Variants in SMURF1 observed in about 807,000 individuals in gnomAD.
SMURF1 encodes the protein SMAD specific E3 ubiquitin protein ligase 1, also known as E3 ubiquitin-protein ligase SMURF1.
Under a neutral mutation model 98.0 loss-of-function variants are expected in SMURF1, and 44 were observed. That is an observed-to-expected ratio of 0.45 (90% CI 0.35 to 0.58). The LOEUF (loss-of-function observed/expected upper bound fraction) is 0.58, where lower values mean the gene tolerates loss of function less well. Among genes scored for constraint, SMURF1 ranks in the 20% least tolerant of loss-of-function variants. SMURF1 has a pLI of 0.00. For synonymous variants in SMURF1, 396 were observed against 374.9 expected, an observed-to-expected ratio of 1.06 and a Z score of -0.65; for missense variants, 687 against 938.4, an observed-to-expected ratio of 0.73 and a Z score of 3.50.
chr7:99,075,989 G>C (rs1796447454), intron 1 of SMURF1, among the ~76,000 whole-genome samples: 1 of 152,196 alleles, frequency 6.6e-6, no homozygotes, highest in Admixed American at 6.5e-5. Context: ...TATATAATTA[G>C]CACCCAGGTC....
intron 1 of SMURF1, among the ~76,000 whole-genome samples, chr7:99,119,003 ATTTTTTTTTTTTTTTTT>A (rs67705340): frequency 3.3e-4 from 14 of 42,930 alleles, no homozygotes; most frequent in East Asian, 3.2e-3. Flanking sequence ...TAACATGCCA[ATTTTTTTTTTTTTTTTT>A]TTTTTTTTTT....
At chr7:99,059,024 C>T (rs539881558) in intron 3 of SMURF1, among the ~76,000 whole-genome samples, 17 of 152,230 alleles carry the variant, frequency 1.1e-4, no homozygotes, top group African/African-American at 3.4e-4. Context: ...GAGGAGGTTG[C>T]GGTGAGCCAA....
chr7:99,105,460 C>T (rs1016965306), intron 1 of SMURF1, among the ~76,000 whole-genome samples: 1 of 152,228 alleles, frequency 6.6e-6, no homozygotes, highest in Non-Finnish European at 1.5e-5. Flanking sequence ...ACACACTACT[C>T]TATACTATAT....
In SMURF1 at chr7:99,029,339, C is replaced by G. The variant is rs1794803952; in HGVS notation, c.*1245G>C. The G allele has an allele frequency of 6.6e-6, 1 of 152,514 alleles. No homozygotes were observed. Among genetic ancestry groups the G allele is most frequent in the African/African-American group, 2.4e-5 (1 of 41,448 alleles). The allele number at this position is 152,514 out of a possible 1,614,324, so 9.4% of individuals were successfully genotyped here. On this transcript the variant is annotated 3_prime_UTR_variant, in exon 18 of 18. Coordinates refer to ENST00000361368, the MANE Select transcript of SMURF1 (RefSeq NM_181349.3). Reference sequence around the variant, plus strand: ...AAGCCACTTTAAGATAAAATACTGACTTTTGTGCAAACTGGAAATGGTGTC... The same window carrying G: ...AAGCCACTTTAAGATAAAATACTGAGTTTTGTGCAAACTGGAAATGGTGTC...
At chr7:99,034,606 T>G (rs1244047885) in intron 16 of SMURF1, among the ~76,000 whole-genome samples, 1 of 152,026 alleles carries the variant, frequency 6.6e-6, no homozygotes, top group Non-Finnish European at 1.5e-5. Flanking sequence ...TCGGGGTTGT[T>G]GGGAGAACTG....
Position 99,094,560 on chromosome 7 carries a change from A to G in SMURF1, c.56-32723T>C, listed in dbSNP as rs551948413. 4.6e-5 allele frequency among the ~76,000 whole-genome samples: 7 copies of G among 152,304 alleles called. No homozygotes were observed. The East Asian group carries it at 1.4e-3, about 29-fold the overall frequency. Reference sequence around the variant, plus strand: ...ATGAGCTCATGTTTGATTGGTAAGTAGCAGTGACATCTTATAGCATGGAAG... The same window carrying G: ...ATGAGCTCATGTTTGATTGGTAAGTGGCAGTGACATCTTATAGCATGGAAG... On this transcript the variant is annotated intron_variant, in intron 1 of 17. Transcript: ENST00000361368.
rs773234782 is a variant in SMURF1 at position 99,038,538 on chromosome 7, G to GA, written c.1551-14dup. 4 of 1,613,268 alleles carry GA rather than the reference G, an allele frequency of 2.5e-6. No individual in the cohort carries two copies. The highest frequency in any genetic ancestry group is 3.4e-6 in the Non-Finnish European group (4 of 1,179,598). On this transcript the variant is annotated splice_polypyrimidine_tract_variant and intron_variant, in intron 13 of 17. Transcript: ENST00000361368. ...GATGTCGTTCTCTCTGTTGAAATAA[G>GA]ACAGAAGGATGTAGGTTAGAACTCT...
At chr7:99,077,780 A>G (rs1796497868) in intron 1 of SMURF1, among the ~76,000 whole-genome samples, 1 of 152,218 alleles carries the variant, frequency 6.6e-6, no homozygotes, top group Non-Finnish European at 1.5e-5. Flanking sequence ...GATGTATAAT[A>G]TAAATATGTT....
At chr7:99,074,899 T>G (rs1381270450) in intron 1 of SMURF1, among the ~76,000 whole-genome samples, 3 of 152,072 alleles carry the variant, frequency 2.0e-5, no homozygotes, top group Non-Finnish European at 4.4e-5. Context: ...AATAGACACC[T>G]TACCAAAAAA....
At chr7:99,121,421 C>CG (rs1335668018) in intron 1 of SMURF1, among the ~76,000 whole-genome samples, 5 of 152,058 alleles carry the variant, frequency 3.3e-5, no homozygotes, top group Admixed American at 6.5e-5. Context: ...CTTAGCAGAC[C>CG]TATCCTCTCT....
intron 1 of SMURF1, among the ~76,000 whole-genome samples, chr7:99,073,089 T>G (rs1203594385): frequency 1.3e-5 from 2 of 152,072 alleles, no homozygotes; most frequent in African/African-American, 4.8e-5. Context: ...AACTGAGCAT[T>G]AGAATGAAAA....
rs67705340 is a variant in SMURF1, at chr7:99,119,003, A to ATTTTTTTTT, written c.55+24714_55+24722dup. On this transcript the variant is annotated intron_variant, in intron 1 of 17. Coordinates refer to ENST00000361368, the MANE Select transcript of SMURF1 (RefSeq NM_181349.3). Reference sequence around the variant, plus strand: ...AGCCTCCTGAGAAGCTAACATGCCAATTTTTTTTTTTTTTTTTTTTTTTTT... The same window carrying ATTTTTTTTT: ...AGCCTCCTGAGAAGCTAACATGCCAATTTTTTTTTTTTTTTTTTTTTTTTTTTTTTTTTT... Among the ~76,000 whole-genome samples, 8 of 42,930 alleles carry ATTTTTTTTT rather than the reference A, an allele frequency of 1.9e-4. 1 individual carries two copies. Among genetic ancestry groups the ATTTTTTTTT allele is most frequent in the African/African-American group, 8.7e-4 (8 of 9,206 alleles). The allele number at this position is 42,930 out of a possible 152,430, so 28.2% of individuals were successfully genotyped here. A position where few individuals can be genotyped will look rare whatever the true frequency, so the allele number is the denominator to read the frequency against.
At chr7:99,079,376 GCAGCTCCTCCC>G (rs1188920139) in intron 1 of SMURF1, among the ~76,000 whole-genome samples, 2 of 152,176 alleles carry the variant, frequency 1.3e-5, no homozygotes, top group Admixed American at 6.5e-5. Context: ...AGTCCCTCCT[GCAGCTCCTCCC>G]CAGCTCCTCC....
chr7:99,033,156 A>G, intron 16 of SMURF1, 35 bp from the exon 17 acceptor site: 1 of 1,549,852 alleles, frequency 6.5e-7, no homozygotes, highest in South Asian at 1.2e-5. Flanking sequence ...TGTACTTCAG[A>G]GTTACAGCCG....
At chr7:99,060,378 C>CAAAAAAAA (rs11340949) in intron 3 of SMURF1, among the ~76,000 whole-genome samples, 7 of 92,468 alleles carry the variant, frequency 7.6e-5, no homozygotes, top group Admixed American at 1.1e-4. Flanking sequence ...GACTCCGTCT[C>CAAAAAAAA]AAAAAAAAAA....
At chr7:99,034,730 A>G (rs1022578444) in intron 16 of SMURF1, among the ~76,000 whole-genome samples, 2 of 152,262 alleles carry the variant, frequency 1.3e-5, no homozygotes, top group South Asian at 2.1e-4. Context: ...ACCCCTTTTT[A>G]TCCATGCTGG....
intron 1 of SMURF1, among the ~76,000 whole-genome samples, chr7:99,124,135 A>T (rs188025935): frequency 2.1e-4 from 32 of 152,358 alleles, no homozygotes; most frequent in Middle Eastern, 3.4e-3. Context: ...ACAACTCATG[A>T]AAAGTGCTTG....
intron 1 of SMURF1, among the ~76,000 whole-genome samples, chr7:99,075,672 CAT>C (rs1213806174): frequency 6.6e-6 from 1 of 150,994 alleles, no homozygotes; most frequent in East Asian, 1.9e-4. Context: ...TCATCAGTGT[CAT>C]GTGTAACAAC....
At chr7:99,142,946 G>A (rs1266661538) in intron 1 of SMURF1, among the ~76,000 whole-genome samples, 2 of 143,762 alleles carry the variant, frequency 1.4e-5, no homozygotes, top group Non-Finnish European at 1.5e-5. Flanking sequence ...GGGTAAAAAC[G>A]GCGGAGGAGA....
Sources: allele counts gnomAD v4.1 joint callset (sites outside exome capture counted in the v4.1 genomes callset), GRCh38; gene constraint gnomAD v4.1.1; transcripts MANE v1.5; gene names NCBI Gene and HGNC (gene_info 2026-07-23, HGNC 2026-07-21).